The following MINAR1 variants were observed in gnomAD, a reference collection of about 807,000 sequenced individuals.
MINAR1 encodes the protein major intrinsically disordered Notch2-binding receptor 1.
A neutral mutation model predicts 65.1 loss-of-function variants in MINAR1; 40 were observed. The ratio of observed to expected loss-of-function variants is 0.61; its 90% confidence interval spans 0.48 to 0.80. MINAR1 has a LOEUF of 0.80. MINAR1 is among the 30% of genes least tolerant of loss of function. The pLI, the probability that MINAR1 is intolerant of heterozygous loss-of-function variation, is 0.00. For missense variants in MINAR1, 1,128 were observed against 1,148.0 expected, an observed-to-expected ratio of 0.98 and a Z score of 0.25; for synonymous variants, 482 against 449.1, an observed-to-expected ratio of 1.07 and a Z score of -0.93.
At chr15:79,411,728 T>C in the MINAR1 span, 1 of 491,748 alleles carries the variant, frequency 2.0e-6, no homozygotes, top group Non-Finnish European at 3.7e-6. Context: ...CCACAGACAC[T>C]TGAGCTGGCA....
intron 2 of MINAR1, among the ~76,000 whole-genome samples, chr15:79,458,860 A>G (rs569523794): frequency 3.3e-5 from 5 of 152,344 alleles, no homozygotes; most frequent in African/African-American, 9.6e-5. Flanking sequence ...CATCTTTTTC[A>G]TGGACTTCAT....
intron 1 of MINAR1, among the ~76,000 whole-genome samples, chr15:79,432,752 C>T (rs1454098108): frequency 6.6e-6 from 1 of 152,140 alleles, no homozygotes; most frequent in South Asian, 2.1e-4. Flanking sequence ...AGGGCAGCGG[C>T]GGAAAAGGTG....
At position 79,470,523 on chromosome 15, in the gene MINAR1, G is replaced by C. The variant is rs1174885925; in HGVS notation, c.*2139G>C. The C allele has an allele frequency of 6.7e-6, 1 of 149,236 alleles. No homozygotes were observed. The highest frequency in any genetic ancestry group is 2.6e-5 in the African/African-American group (1 of 38,590). 9.2% of individuals were successfully genotyped at this position (149,236 alleles called of 1,614,324 possible). ...TTTAACAGGTAGGACCATCGAGGCTGGACCAAACCACTTTTTCCACTGCCC... is the reference window on the plus strand; with the variant it reads ...TTTAACAGGTAGGACCATCGAGGCTCGACCAAACCACTTTTTCCACTGCCC... On this transcript the variant is annotated 3_prime_UTR_variant, in exon 4 of 4. Transcript: ENST00000305428.
chr15:79,415,346 G>T, the MINAR1 span: 1 of 152,292 alleles, frequency 6.6e-6, no homozygotes, highest in Non-Finnish European at 1.5e-5. Context: ...GTCAGTGGCT[G>T]GATGAGACCA....
intron 2 of MINAR1, among the ~76,000 whole-genome samples, chr15:79,462,728 C>G (rs1267202968): frequency 6.6e-6 from 1 of 152,208 alleles, no homozygotes; most frequent in Admixed American, 6.5e-5. Flanking sequence ...CTAGCTCCAC[C>G]CCTTACTAGC....
intron 1 of MINAR1, among the ~76,000 whole-genome samples, chr15:79,434,411 C>T (rs1325429749): frequency 1.3e-5 from 2 of 152,218 alleles, no homozygotes; most frequent in Non-Finnish European, 2.9e-5. Flanking sequence ...AAATATCTCT[C>T]CTGCCTCTAT....
chr15:79,449,553 C>T lies in MINAR1; in HGVS notation c.-50-6545C>T, dbSNP rs77319554. The stretch of plus-strand genomic sequence containing the variant: ...CAAGCTAGCAGAATGCTGCACAAAG[C>T]CTCATTTTATAAGGGCATGAAACCC... On this transcript the variant is annotated intron_variant, in intron 1 of 3. Coordinates refer to ENST00000305428, the MANE Select transcript of MINAR1 (RefSeq NM_015206.3). 9.5e-4 allele frequency among the ~76,000 whole-genome samples: 145 copies of T among 152,230 alleles called. 2 individuals are homozygous for T. In the East Asian group the frequency reaches 0.027, roughly 28 times the overall value.
chr15:79,452,741 TG>T (rs398119013), intron 1 of MINAR1, among the ~76,000 whole-genome samples: 2,661 of 89,864 alleles, frequency 0.03, 34 homozygotes, highest in Non-Finnish European at 0.048. Context: ...TGTGGGTGTG[TG>T]GGGGGGGTGT....
Position 79,471,375 on chromosome 15 carries a change from C to CATCT in MINAR1, c.*2992_*2995dup, listed in dbSNP as rs1896073425. On this transcript the variant is annotated 3_prime_UTR_variant, in exon 4 of 4. Coordinates refer to ENST00000305428, the MANE Select transcript of MINAR1 (RefSeq NM_015206.3). ...ATTTCATCTTCTTTCATAATCATTTCATCTTCTAATCTGAATTTGTTTTGA... is the reference window on the plus strand; with the variant it reads ...ATTTCATCTTCTTTCATAATCATTTCATCTATCTTCTAATCTGAATTTGTTTTGA... 6.6e-6 allele frequency: 1 copy of CATCT among 152,516 alleles called. No homozygotes were observed. Among genetic ancestry groups the CATCT allele is most frequent in the African/African-American group, 2.4e-5 (1 of 41,420 alleles). 9.4% of individuals were successfully genotyped at this position (152,516 alleles called of 1,614,324 possible).
At chr15:79,446,827 A>G (rs958749705) in intron 1 of MINAR1, among the ~76,000 whole-genome samples, 1 of 152,028 alleles carries the variant, frequency 6.6e-6, no homozygotes, top group African/African-American at 2.4e-5. Flanking sequence ...ATTTGCTGAA[A>G]CTTATCCTTC....
chr15:79,419,446 A>C, the MINAR1 span: 1 of 152,220 alleles, frequency 6.6e-6, no homozygotes, highest in Non-Finnish European at 1.5e-5. Flanking sequence ...GTGACTGTCC[A>C]CTGGCCAGCT....
chr15:79,442,836 C>T (rs1280092020), intron 1 of MINAR1, among the ~76,000 whole-genome samples: 1 of 152,066 alleles, frequency 6.6e-6, no homozygotes, highest in Non-Finnish European at 1.5e-5. Flanking sequence ...ACCCAGTAGA[C>T]ATCCATATAC....
chr15:79,426,474 G>C, the MINAR1 span: 1 of 152,268 alleles, frequency 6.6e-6, no homozygotes, highest in Non-Finnish European at 1.5e-5. Context: ...CATTGAAATA[G>C]GGAGAGAATT....
At chr15:79,453,255 T>A (rs934603836) in intron 1 of MINAR1, among the ~76,000 whole-genome samples, 1 of 152,090 alleles carries the variant, frequency 6.6e-6, no homozygotes, top group African/African-American at 2.4e-5. Flanking sequence ...CATTCACTTC[T>A]GTCAGTAGGC....
At position 79,456,353 on chromosome 15, in the gene MINAR1, T is replaced by A. The variant is rs573865001; in HGVS notation, c.206T>A (p.Met69Lys). The A allele has an allele frequency of 4.3e-6, 7 of 1,614,216 alleles. No homozygotes were observed. The highest frequency in any genetic ancestry group is 1.3e-5 in the African/African-American group (1 of 75,054). ...NFPATLFKDK[M>K]KCTVNNQQSK... ...CCAGCCACGCTATTCAAAGACAAGA[T>A]GAAATGCACTGTGAATAACCAGCAA... is the stretch of plus-strand genomic sequence containing the variant. The change falls in exon 2 of 4, where the codon ATG (methionine) becomes AAG (lysine). Residue 69 changes from methionine (M) to lysine (K), a missense_variant. Coordinates refer to ENST00000305428, the MANE Select transcript of MINAR1 (RefSeq NM_015206.3).
chr15:79,456,353 T>G lies in MINAR1; in HGVS notation c.206T>G (p.Met69Arg), dbSNP rs573865001. ...NFPATLFKDK[M>R]KCTVNNQQSK... ...CCAGCCACGCTATTCAAAGACAAGA[T>G]GAAATGCACTGTGAATAACCAGCAA... Residue 69 changes from methionine to arginine, a missense_variant, in exon 2 of 4, where the codon ATG becomes AGG. By Grantham distance (91) the Met-to-Arg change is moderately conservative. Transcript: ENST00000305428. The G allele has an allele frequency of 4.5e-5, 73 of 1,614,216 alleles. 2 individuals are homozygous for G. The South Asian group carries it at 7.8e-4, about 17-fold the overall frequency.
intron 3 of MINAR1, among the ~76,000 whole-genome samples, chr15:79,465,710 G>A (rs935681129): frequency 1.3e-5 from 2 of 151,980 alleles, no homozygotes; most frequent in African/African-American, 4.8e-5. Context: ...AAGAAGAGCA[G>A]GTTGTTCTAC....
chr15:79,429,607 A>T (rs1332134064), upstream of MINAR1, among the ~76,000 whole-genome samples: 3 of 152,202 alleles, frequency 2.0e-5, no homozygotes, highest in Admixed American at 6.5e-5. Flanking sequence ...CTCCCATCTC[A>T]TCGTCAGTCT....
the MINAR1 span, chr15:79,412,915 T>C: frequency 6.6e-6 from 1 of 152,148 alleles, no homozygotes; most frequent in African/African-American, 2.4e-5. Context: ...CTGATACCAA[T>C]CCCCTAGGGT....
Sources: allele counts gnomAD v4.1 joint callset (sites outside exome capture counted in the v4.1 genomes callset), GRCh38; gene constraint gnomAD v4.1.1; transcripts MANE v1.5; gene names NCBI Gene and HGNC (gene_info 2026-07-23, HGNC 2026-07-21).